Variants in CACNA1D observed in about 807,000 individuals in gnomAD.
CACNA1D encodes calcium voltage-gated channel subunit alpha1 D, also known as voltage-dependent L-type calcium channel subunit alpha-1D.
In CACNA1D, 55 loss-of-function variants were observed where a neutral mutation model predicts 257.1. The ratio of observed to expected loss-of-function variants is 0.21; its 90% confidence interval spans 0.17 to 0.27. CACNA1D has a LOEUF of 0.27. Ranked by LOEUF, CACNA1D falls within the 10% of genes least tolerant of loss-of-function variation. CACNA1D has a pLI of 1.00. For synonymous variants in CACNA1D, 980 were observed against 1,014.9 expected, an observed-to-expected ratio of 0.97 and a Z score of 0.65; for missense variants, 1,876 against 2,784.0, an observed-to-expected ratio of 0.67 and a Z score of 7.34.
chr3:53,685,662 G>A (rs1576347204), intron 8 of CACNA1D, among the ~76,000 whole-genome samples: 2 of 152,018 alleles, frequency 1.3e-5, no homozygotes, highest in African/African-American at 4.8e-5. Flanking sequence ...GCCAATAACA[G>A]GCTGTTTATA....
At chr3:53,691,806 ATATATAT>A (rs1179967406) in intron 8 of CACNA1D, among the ~76,000 whole-genome samples, 41 of 104,774 alleles carry the variant, frequency 3.9e-4, no homozygotes, top group Non-Finnish European at 6.4e-4. Context: ...TACATATATA[ATATATAT>A]TATATATTAT....
intron 39 of CACNA1D, among the ~76,000 whole-genome samples, chr3:53,782,085 T>C (rs2095427988): frequency 2.0e-5 from 3 of 152,120 alleles, no homozygotes; most frequent in Non-Finnish European, 4.4e-5. Context: ...ATTTTTGAAA[T>C]GTTCTTATCA....
intron 4 of CACNA1D, among the ~76,000 whole-genome samples, chr3:53,656,013 C>T (rs2094144307): frequency 6.6e-6 from 1 of 152,170 alleles, no homozygotes; most frequent in Admixed American, 6.5e-5. Context: ...CCAGTTATCC[C>T]AGCATGGTTT....
chr3:53,600,161 A>AT (rs2093423557), intron 3 of CACNA1D, among the ~76,000 whole-genome samples: 1 of 152,234 alleles, frequency 6.6e-6, no homozygotes, highest in Non-Finnish European at 1.5e-5. Flanking sequence ...GGGCCCCAAC[A>AT]TAAGCCTCAG....
At chr3:53,615,020 A>G (rs1438984124) in intron 3 of CACNA1D, among the ~76,000 whole-genome samples, 1 of 152,250 alleles carries the variant, frequency 6.6e-6, no homozygotes, top group Non-Finnish European at 1.5e-5. Flanking sequence ...AAAATGACTA[A>G]CACATTTAAA....
chr3:53,672,812 GTGTGTGTA>G lies in CACNA1D; in HGVS notation c.1117-208_1117-201del, dbSNP rs1429952819. On this transcript the variant is annotated intron_variant, in intron 7 of 47. Coordinates refer to ENST00000350061, the MANE Select transcript of CACNA1D (RefSeq NM_001128840.3). ...TGTGTGTGTGTGTGTGTGTGTGTGT[GTGTGTGTA>G]TGGATGCTTGTGTGTGTGTATGGGG... 3.7e-3 allele frequency among the ~76,000 whole-genome samples: 453 copies of G among 121,960 alleles called. 8 individuals carry two copies. The highest frequency in any genetic ancestry group is 0.014 in the African/African-American group (424 of 30,924). The allele number at this position is 121,960 out of a possible 152,430, so 80.0% of individuals were successfully genotyped here.
chr3:53,650,052 T>A (rs1253897568), intron 3 of CACNA1D, among the ~76,000 whole-genome samples: 2 of 152,222 alleles, frequency 1.3e-5, no homozygotes, highest in African/African-American at 4.8e-5. Flanking sequence ...TGGGCATGGC[T>A]GCTGGGATGG....
chr3:53,639,370 T>C (rs1035895624), intron 3 of CACNA1D, among the ~76,000 whole-genome samples: 5 of 151,628 alleles, frequency 3.3e-5, no homozygotes, highest in Non-Finnish European at 5.9e-5. Flanking sequence ...AACAGGGAAA[T>C]GAGATTTCTC....
intron 3 of CACNA1D, among the ~76,000 whole-genome samples, chr3:53,533,642 C>A (rs2092022246): frequency 6.6e-6 from 1 of 152,208 alleles, no homozygotes; most frequent in Non-Finnish European, 1.5e-5. Flanking sequence ...TTGTGACAGG[C>A]CTGAGGCAGC....
chr3:53,809,715 C>G (rs533878523), intron 46 of CACNA1D: 2 of 533,928 alleles, frequency 3.7e-6, no homozygotes, highest in African/African-American at 1.9e-5. Flanking sequence ...GAAGCAATTT[C>G]ATGAATTAGC....
rs139538561 is a variant in CACNA1D at position 53,743,329 on chromosome 3, G to C, written c.2918+212G>C. Among the ~76,000 whole-genome samples the C allele has an allele frequency of 3.3e-3, 495 of 152,240 alleles. 2 individuals carry two copies. The highest frequency in any genetic ancestry group is 0.011 in the African/African-American group (476 of 41,530). On this transcript the variant is annotated intron_variant, in intron 22 of 47. Coordinates refer to ENST00000350061, the MANE Select transcript of CACNA1D (RefSeq NM_001128840.3). ...CTTTTTGTGCCTGCTGCTAAGTTGA[G>C]CTTATTACTGTCTGTGAAATTTGCT...
intron 20 of CACNA1D, among the ~76,000 whole-genome samples, chr3:53,739,144 G>C (rs1456893675): frequency 6.6e-6 from 1 of 152,184 alleles, no homozygotes; most frequent in Non-Finnish European, 1.5e-5. Context: ...ACCTACAACA[G>C]CTCACCCCTG....
intron 9 of CACNA1D, among the ~76,000 whole-genome samples, chr3:53,712,749 G>C (rs1023892998): frequency 6.6e-6 from 1 of 152,186 alleles, no homozygotes; most frequent in Non-Finnish European, 1.5e-5. Flanking sequence ...GCTTTAGGCT[G>C]CTTGGAGGTG....
In CACNA1D at chr3:53,800,618, C is replaced by T. The variant is rs1206947507; in HGVS notation, c.5040+253C>T. 3.6e-6 allele frequency: 2 copies of T among 550,968 alleles called. No homozygotes were observed. Among genetic ancestry groups the T allele is most frequent in the African/African-American group, 3.8e-5 (2 of 53,228 alleles). 34.1% of individuals were successfully genotyped at this position (550,968 alleles called of 1,614,324 possible). A position where few individuals can be genotyped will look rare whatever the true frequency, so the allele number is the denominator to read the frequency against. On this transcript the variant is annotated intron_variant, in intron 41 of 47. Transcript: ENST00000350061. The surrounding 1 kb of genome is among the most constrained non-coding windows in gnomAD (Gnocchi z 4.3). ...ACTGCCTGCTTCTGAGGAGCTCGGCCACAGCCGCTGGCCCTGTGGATGAGC... is the reference window on the plus strand; with the variant it reads ...ACTGCCTGCTTCTGAGGAGCTCGGCTACAGCCGCTGGCCCTGTGGATGAGC...
At chr3:53,810,780 AAAAAAAC>A (rs1484038472) in intron 47 of CACNA1D, among the ~76,000 whole-genome samples, 16 of 131,976 alleles carry the variant, frequency 1.2e-4, no homozygotes, top group East Asian at 2.3e-4. Flanking sequence ...AAAAAAAAAA[AAAAAAAC>A]AAAAACTGGT....
At chr3:53,577,778 T>G (rs1265152629) in intron 3 of CACNA1D, among the ~76,000 whole-genome samples, 1 of 152,180 alleles carries the variant, frequency 6.6e-6, no homozygotes, top group East Asian at 1.9e-4. Flanking sequence ...CATGCAGAAT[T>G]CCCAGTAGAT....
At chr3:53,581,175 G>A (rs1407848256) in intron 3 of CACNA1D, among the ~76,000 whole-genome samples, 1 of 152,204 alleles carries the variant, frequency 6.6e-6, no homozygotes, top group Non-Finnish European at 1.5e-5. Context: ...CATGTGTGAG[G>A]ACTTTGTTCT....
rs536708618 is a variant in CACNA1D, at chr3:53,518,811, C to T, written c.483+17091C>T. On this transcript the variant is annotated intron_variant, in intron 3 of 47. Transcript: ENST00000350061. ...TGTGTCATGGGCTCTGAAGGTCTTA[C>T]GTTGAGGAATGGCAATATTATCAGA... Among the ~76,000 whole-genome samples, 3 of 152,254 alleles carry T rather than the reference C, an allele frequency of 2.0e-5. No homozygotes were observed. The East Asian group carries it at 5.8e-4, about 29-fold the overall frequency.
chr3:53,691,816 TATATTATATCTATAATATATATTAC>T (rs2094527302), intron 8 of CACNA1D, among the ~76,000 whole-genome samples: 1 of 111,050 alleles, frequency 9.0e-6, no homozygotes, highest in Non-Finnish European at 1.7e-5. Flanking sequence ...ATATATATTA[TATATTATATCTATAATATATATTAC>T]ATATATAATA....
Sources: allele counts gnomAD v4.1 joint callset (sites outside exome capture counted in the v4.1 genomes callset), GRCh38; gene constraint gnomAD v4.1.1; non-coding constraint Gnocchi (gnomAD v3.1); transcripts MANE v1.5; gene names NCBI Gene and HGNC (gene_info 2026-07-23, HGNC 2026-07-21).